Variants in REPS1 observed in about 807,000 individuals in gnomAD.
The protein encoded by REPS1 is ralBP1-associated Eps domain-containing protein 1.
REPS1 carries 39 observed loss-of-function variants against 100.9 expected under a neutral mutation model. That is an observed-to-expected ratio of 0.39 (90% CI 0.30 to 0.50). The LOEUF (loss-of-function observed/expected upper bound fraction) is 0.50, where lower values mean the gene tolerates loss of function less well. Ranked by LOEUF, REPS1 falls within the 20% of genes least tolerant of loss-of-function variation. REPS1 has a pLI of 0.86. For synonymous variants in REPS1, 324 were observed against 340.3 expected (o/e 0.95, Z 0.53); for missense variants, 821 against 968.5 (o/e 0.85, Z 2.02).
chr6:138,915,452 ATTTT>A (rs5880407), intron 14 of REPS1, among the ~76,000 whole-genome samples: 3 of 134,616 alleles, frequency 2.2e-5, no homozygotes, highest in African/African-American at 2.7e-5. Context: ...CCTTCAGATA[ATTTT>A]TTTTTTTTTT....
intron 1 of REPS1, among the ~76,000 whole-genome samples, chr6:138,969,859 ATTT>A (rs56070030): frequency 8.0e-4 from 76 of 94,620 alleles, no homozygotes; most frequent in African/African-American, 2.3e-3. Flanking sequence ...GTGAATTGGG[ATTT>A]TTTTTTTTTT....
At chr6:138,942,288 A>C (rs1782312609) in intron 7 of REPS1, among the ~76,000 whole-genome samples, 1 of 152,200 alleles carries the variant, frequency 6.6e-6, no homozygotes, top group African/African-American at 2.4e-5. Flanking sequence ...TAGCATGCAT[A>C]TATTACTAGT....
At chr6:138,945,156 C>A (rs1044267787) in intron 4 of REPS1, 63 bp downstream of exon 4, 12 of 1,416,812 alleles carry the variant, frequency 8.5e-6, no homozygotes, top group African/African-American at 2.9e-5. Flanking sequence ...ATCATTTGAA[C>A]CCAGGAGTGC....
intron 17 of REPS1, among the ~76,000 whole-genome samples, chr6:138,909,281 T>G (rs1184540319): frequency 6.6e-6 from 1 of 152,200 alleles, no homozygotes; most frequent in African/African-American, 2.4e-5. Flanking sequence ...ATTATTAATA[T>G]GCACAGTAAT....
intron 13 of REPS1, 194 bp from the exon 14 acceptor site, chr6:138,916,170 T>C (rs1042281648): frequency 2.1e-5 from 11 of 518,964 alleles, no homozygotes; most frequent in African/African-American, 4.1e-5. Flanking sequence ...TTATTTTATG[T>C]GGCTAACAAT....
rs1287501845 is a variant in REPS1 at position 138,953,680 on chromosome 6, TCAAA to T, written c.154-5771_154-5768del. ...CTCACCCCAGGGAGGCTGGCTATTA[TCAAA>T]AAAAAAAAAAAAAATGCTGGCGAGG... On this transcript the variant is annotated intron_variant, in intron 1 of 19. Transcript: ENST00000450536. Among the ~76,000 whole-genome samples, 710 of 86,106 alleles carry T rather than the reference TCAAA, an allele frequency of 8.2e-3. 7 individuals are homozygous for T. The highest frequency in any genetic ancestry group is 0.03 in the African/African-American group (651 of 21,530). The allele number at this position is 86,106 out of a possible 152,430, so 56.5% of individuals were successfully genotyped here.
chr6:138,984,078 CTT>C (rs748774209), intron 1 of REPS1, among the ~76,000 whole-genome samples: 83 of 134,422 alleles, frequency 6.2e-4, no homozygotes, highest in African/African-American at 1.6e-3. Context: ...CTCTCTCTCT[CTT>C]TTTTTTTTTT....
chr6:138,912,111 T>C (rs1437252534), intron 16 of REPS1, among the ~76,000 whole-genome samples: 1 of 152,176 alleles, frequency 6.6e-6, no homozygotes, highest in South Asian at 2.1e-4. Context: ...AAATTTTCCA[T>C]GGCTATGACC....
intron 15 of REPS1, 115 bp from the exon 16 acceptor site, chr6:138,913,065 G>A: frequency 1.3e-6 from 1 of 766,674 alleles, no homozygotes. Context: ...TTTATTATCT[G>A]TAAGTTCAGA....
At chr6:138,948,108 G>T (rs963439309) in intron 1 of REPS1, among the ~76,000 whole-genome samples, 195 bp from the exon 2 acceptor site, 1 of 152,112 alleles carries the variant, frequency 6.6e-6, no homozygotes, top group African/African-American at 2.4e-5. Flanking sequence ...TTGCAATAAG[G>T]TCATCATTCT....
chr6:138,973,797 T>C (rs1784460303), intron 1 of REPS1, among the ~76,000 whole-genome samples: 1 of 152,124 alleles, frequency 6.6e-6, no homozygotes, highest in Admixed American at 6.6e-5. Flanking sequence ...CAAACAATGC[T>C]GATGTAGTAG....
intron 1 of REPS1, among the ~76,000 whole-genome samples, chr6:138,970,158 AAT>A: frequency 6.6e-6 from 1 of 152,286 alleles, no homozygotes; most frequent in South Asian, 2.1e-4. Context: ...GTAGTTCATC[AAT>A]GAGGTGTTCA....
intron 15 of REPS1, among the ~76,000 whole-genome samples, chr6:138,913,356 C>A (rs1780142682): frequency 6.6e-6 from 1 of 151,958 alleles, no homozygotes. Flanking sequence ...AAAAAGCTTG[C>A]TCTAAAAAGT....
intron 1 of REPS1, among the ~76,000 whole-genome samples, chr6:138,962,670 C>A (rs1783806883): frequency 6.6e-6 from 1 of 151,974 alleles, no homozygotes; most frequent in Non-Finnish European, 1.5e-5. Flanking sequence ...GTATGTTTTC[C>A]CCTCAGACCT....
chr6:138,933,117 A>G (rs953892057), intron 8 of REPS1, among the ~76,000 whole-genome samples: 1 of 152,254 alleles, frequency 6.6e-6, no homozygotes, highest in Non-Finnish European at 1.5e-5. Context: ...TTCAGTTTCC[A>G]CACTGCAAGT....
intron 8 of REPS1, among the ~76,000 whole-genome samples, chr6:138,933,762 TG>T (rs1453890832): frequency 1.3e-5 from 2 of 152,224 alleles, no homozygotes; most frequent in Non-Finnish European, 2.9e-5. Context: ...GATTTGTTAT[TG>T]CTTTTTTACA....
At chr6:138,914,559 A>T in intron 15 of REPS1, 138 bp downstream of exon 15, 1 of 693,740 alleles carries the variant, frequency 1.4e-6, no homozygotes, top group Non-Finnish European at 2.6e-6. Flanking sequence ...AATGAGATTC[A>T]GCCTCACTGA....
rs112613756 is a variant in REPS1, at chr6:138,964,965, A to G, written c.154-17052T>C. Among the ~76,000 whole-genome samples the G allele has an allele frequency of 2.1e-3, 323 of 152,284 alleles. 1 individual carries two copies. Among genetic ancestry groups the G allele is most frequent in the African/African-American group, 7.1e-3 (297 of 41,578 alleles). On this transcript the variant is annotated intron_variant, in intron 1 of 19. Coordinates refer to ENST00000450536, the MANE Select transcript of REPS1 (RefSeq NM_001286611.2). ...AAGAATGGGTTCAGTCAAACAACCA[A>G]TGTAAGGGGACTGAAGCAGCTTAAG...
chr6:138,956,557 GC>G (rs992164380), intron 1 of REPS1, among the ~76,000 whole-genome samples: 2 of 149,252 alleles, frequency 1.3e-5, no homozygotes, highest in African/African-American at 2.5e-5. Context: ...CTTTGCTGTT[GC>G]CCCTGGTAAG....
Sources: gnomAD v4.1 joint callset for allele counts (sites outside exome capture counted in the v4.1 genomes callset) on GRCh38, gnomAD v4.1.1 for gene constraint, MANE v1.5 for transcripts, NCBI Gene and HGNC (gene_info 2026-07-23, HGNC 2026-07-21) for gene names.